Variants in POU6F2 observed in about 807,000 individuals in gnomAD.
POU6F2 encodes the protein POU domain, class 6, transcription factor 2.
A neutral mutation model predicts 71.3 loss-of-function variants in POU6F2; 31 were observed. That is an observed-to-expected ratio of 0.43 (90% CI 0.33 to 0.59). The LOEUF (loss-of-function observed/expected upper bound fraction) is 0.59, where lower values mean the gene tolerates loss of function less well. POU6F2 is among the 20% of genes least tolerant of loss of function. POU6F2 has a pLI of 0.04. For missense variants in POU6F2, 783 were observed against 856.8 expected, an observed-to-expected ratio of 0.91 and a Z score of 1.07; for synonymous variants, 347 against 355.7, an observed-to-expected ratio of 0.98 and a Z score of 0.27.
At chr7:39,006,946 T>C (rs1317401032) in intron 1 of POU6F2, 18 of 1,419,552 alleles carry the variant, frequency 1.3e-5, no homozygotes, top group South Asian at 2.3e-5. Flanking sequence ...TTGTATAAAA[T>C]CGGAGGGAAA....
At chr7:38,979,382 G>T (rs182436654) in intron 1 of POU6F2, among the ~76,000 whole-genome samples, 152 of 152,248 alleles carry the variant, frequency 1.0e-3, no homozygotes, top group Non-Finnish European at 1.3e-3. Context: ...CAGCATGCTT[G>T]CTTCATAATG....
intron 9 of POU6F2, among the ~76,000 whole-genome samples, chr7:39,462,042 C>T (rs912122155): frequency 2.6e-5 from 4 of 152,206 alleles, no homozygotes; most frequent in African/African-American, 4.8e-5. Flanking sequence ...TGCCAATTTT[C>T]TATTGGTGCT....
intron 4 of POU6F2, among the ~76,000 whole-genome samples, chr7:39,320,643 C>G (rs908542745): frequency 6.6e-6 from 1 of 152,088 alleles, no homozygotes; most frequent in Non-Finnish European, 1.5e-5. Context: ...TCCAACACCC[C>G]CAGTGGTTAC....
chr7:39,439,765 A>C (rs1354761144), intron 7 of POU6F2, among the ~76,000 whole-genome samples: 14 of 152,190 alleles, frequency 9.2e-5, no homozygotes, highest in African/African-American at 1.2e-4. Context: ...CTGGGATTAC[A>C]GGTGTGAGCC....
intron 4 of POU6F2, among the ~76,000 whole-genome samples, chr7:39,315,921 G>A (rs928836740): frequency 6.6e-6 from 1 of 152,148 alleles, no homozygotes; most frequent in Non-Finnish European, 1.5e-5. Context: ...AAATTAAATG[G>A]TTTTTCTTTT....
intron 2 of POU6F2, among the ~76,000 whole-genome samples, chr7:39,166,033 C>A (rs1242225980): frequency 6.6e-6 from 1 of 152,192 alleles, no homozygotes; most frequent in Non-Finnish European, 1.5e-5. Context: ...TGTCATTGCA[C>A]CTCACTACTC....
intron 5 of POU6F2, among the ~76,000 whole-genome samples, chr7:39,362,656 A>G (rs1158858345): frequency 5.9e-5 from 9 of 152,216 alleles, no homozygotes; most frequent in Admixed American, 2.0e-4. Context: ...GGAATCAAAC[A>G]TGCATACAAA....
intron 1 of POU6F2, among the ~76,000 whole-genome samples, chr7:39,031,817 G>C (rs999235611): frequency 5.9e-5 from 9 of 151,980 alleles, no homozygotes; most frequent in Non-Finnish European, 1.5e-5. Context: ...GGAGGTGGAG[G>C]CTGCAGTGAG....
chr7:39,360,847 G>A (rs1786373467), intron 5 of POU6F2, among the ~76,000 whole-genome samples: 2 of 152,180 alleles, frequency 1.3e-5, no homozygotes. Flanking sequence ...CATGGTGCTG[G>A]TGAGAGTGTA....
intron 7 of POU6F2, among the ~76,000 whole-genome samples, chr7:39,433,848 T>C (rs1488176802): frequency 1.3e-5 from 2 of 152,202 alleles, no homozygotes; most frequent in Admixed American, 1.3e-4. Flanking sequence ...AAAGGTGTGG[T>C]CCCTGACCTC....
At chr7:39,322,230 CA>C (rs1487097320) in intron 4 of POU6F2, among the ~76,000 whole-genome samples, 3 of 152,170 alleles carry the variant, frequency 2.0e-5, no homozygotes, top group Admixed American at 1.3e-4. Flanking sequence ...GGAGCGTGAC[CA>C]GGGGAAGAGA....
intron 1 of POU6F2, among the ~76,000 whole-genome samples, chr7:39,059,442 A>G (rs539374967): frequency 1.3e-5 from 2 of 151,886 alleles, no homozygotes; most frequent in South Asian, 4.2e-4. Context: ...TACTTAAAAC[A>G]TGCTCAGTTT....
intron 1 of POU6F2, among the ~76,000 whole-genome samples, chr7:38,979,414 A>T (rs1251031833): frequency 6.6e-6 from 1 of 152,210 alleles, no homozygotes; most frequent in Non-Finnish European, 1.5e-5. Context: ...GGAAAATGTC[A>T]AATACATAAT....
At chr7:39,336,211 G>C (rs1437666137) in intron 4 of POU6F2, among the ~76,000 whole-genome samples, 1 of 152,138 alleles carries the variant, frequency 6.6e-6, no homozygotes, top group Non-Finnish European at 1.5e-5. Context: ...GTGACATTAA[G>C]TATATTTTCA....
chr7:39,292,190 G>A (rs138168260), intron 4 of POU6F2, among the ~76,000 whole-genome samples: 40 of 152,310 alleles, frequency 2.6e-4, no homozygotes, highest in African/African-American at 9.1e-4. Flanking sequence ...TCCACCCGGC[G>A]CCGGGCTAGA....
intron 4 of POU6F2, among the ~76,000 whole-genome samples, chr7:39,267,656 G>A (rs1256317680): frequency 2.7e-5 from 4 of 150,142 alleles, no homozygotes; most frequent in East Asian, 2.0e-4. Flanking sequence ...TTTTTTTAGA[G>A]GCAAGGTCTT....
At chr7:39,303,547 A>G (rs1286709989) in intron 4 of POU6F2, among the ~76,000 whole-genome samples, 5 of 152,194 alleles carry the variant, frequency 3.3e-5, no homozygotes, top group East Asian at 1.9e-4. Flanking sequence ...ATTTTTCACA[A>G]TATGCTTATT....
intron 2 of POU6F2, among the ~76,000 whole-genome samples, chr7:39,178,550 C>T (rs965963247): frequency 6.6e-6 from 1 of 152,108 alleles, no homozygotes; most frequent in Admixed American, 6.5e-5. Flanking sequence ...ATAGCCTACC[C>T]GGAGAGGCTG....
chr7:39,322,904 T>A (rs1047471405), intron 4 of POU6F2, among the ~76,000 whole-genome samples: 5 of 152,328 alleles, frequency 3.3e-5, no homozygotes, highest in Admixed American at 6.5e-5. Flanking sequence ...CCCTGAGCAG[T>A]GGATCTTGGG....
Sources: gnomAD v4.1 joint callset for allele counts (sites outside exome capture counted in the v4.1 genomes callset) on GRCh38, gnomAD v4.1.1 for gene constraint, MANE v1.5 for transcripts, NCBI Gene and HGNC (gene_info 2026-07-23, HGNC 2026-07-21) for gene names.